Variants in CNRIP1 observed in about 807,000 individuals in gnomAD.
CNRIP1 encodes cannabinoid receptor interacting protein 1, also known as CB1 cannabinoid receptor-interacting protein 1.
A neutral mutation model predicts 15.2 loss-of-function variants in CNRIP1; 10 were observed. The ratio of observed to expected loss-of-function variants is 0.66; its 90% confidence interval spans 0.41 to 1.12. The LOEUF is 1.12. CNRIP1 is among the 50% of genes most tolerant of loss of function. CNRIP1 has a pLI of 0.00. For synonymous variants in CNRIP1, 91 were observed against 83.2 expected (o/e 1.09, Z -0.51); for missense variants, 211 against 214.7 (o/e 0.98, Z 0.11).
chr2:68,300,596 A>T (rs537939421), intron 2 of CNRIP1, among the ~76,000 whole-genome samples: 1 of 152,220 alleles, frequency 6.6e-6, no homozygotes, highest in South Asian at 2.1e-4. Flanking sequence ...CAGCCTGGGC[A>T]TCAGAGCAAG....
chr2:68,316,918 G>C lies in CNRIP1; in HGVS notation c.330+239C>G, dbSNP rs550329191. On this transcript the variant is annotated intron_variant, in intron 2 of 2. Transcript: ENST00000263655. ...GGCAATGTAGGTTCTGTCTCTTCCA[G>C]AACCATCTGCTTCTGCTTATGGTGT... 1.7e-4 allele frequency: 103 copies of C among 621,738 alleles called. No homozygotes were observed. In the African/African-American group the frequency reaches 1.7e-3, roughly 10 times the overall value. 38.5% of individuals were successfully genotyped at this position (621,738 alleles called of 1,614,324 possible). A position where few individuals can be genotyped will look rare whatever the true frequency, so the allele number is the denominator to read the frequency against.
intron 1 of CNRIP1, among the ~76,000 whole-genome samples, chr2:68,318,480 G>A (rs1440736544): frequency 6.6e-6 from 1 of 152,198 alleles, no homozygotes; most frequent in African/African-American, 2.4e-5. Flanking sequence ...GCATTATCCA[G>A]CGGTCGCTGG....
Position 68,305,329 on chromosome 2 carries a change from A to ATAATATATATT in CNRIP1, c.331-11314_331-11304dup, listed in dbSNP as rs1401789904. Among the ~76,000 whole-genome samples, 343 of 143,096 alleles carry ATAATATATATT rather than the reference A, an allele frequency of 2.4e-3. 2 individuals carry two copies. Among genetic ancestry groups the ATAATATATATT allele is most frequent in the African/African-American group, 8.3e-3 (322 of 38,888 alleles). The allele number at this position is 143,096 out of a possible 152,430, so 93.9% of individuals were successfully genotyped here. ...GTGTGTGTGTACATATAAAACATAT[A>ATAATATATATT]TAATATATATTTAAATATATATAGA... On this transcript the variant is annotated intron_variant, in intron 2 of 2. Transcript: ENST00000263655.
chr2:68,309,195 GT>G (rs1445469796), intron 2 of CNRIP1, among the ~76,000 whole-genome samples: 1 of 152,100 alleles, frequency 6.6e-6, no homozygotes, highest in East Asian at 1.9e-4. Context: ...TAAGGGTGTT[GT>G]TTTTGATGGC....
At chr2:68,303,012 T>C (rs1340970604) in intron 2 of CNRIP1, among the ~76,000 whole-genome samples, 26 of 151,928 alleles carry the variant, frequency 1.7e-4, no homozygotes, top group Non-Finnish European at 3.1e-4. Context: ...CTCGCCCGGC[T>C]AATTTTTTGT....
downstream of CNRIP1, among the ~76,000 whole-genome samples, chr2:68,290,218 G>A (rs1671130905): frequency 6.6e-6 from 1 of 151,344 alleles, no homozygotes; most frequent in Non-Finnish European, 1.5e-5. Context: ...AGTAGAGACG[G>A]GGTTTTGCCA....
At chr2:68,318,155 G>A (rs902382736) in intron 1 of CNRIP1, among the ~76,000 whole-genome samples, 1 of 152,016 alleles carries the variant, frequency 6.6e-6, no homozygotes, top group Non-Finnish European at 1.5e-5. Flanking sequence ...AGCTGTGGGG[G>A]ATGCTGACAA....
chr2:68,305,591 T>C lies in CNRIP1; in HGVS notation c.331-11565A>G, dbSNP rs143025554. On this transcript the variant is annotated intron_variant, in intron 2 of 2. Transcript: ENST00000263655. ...CGGGCAGTTCACGAGGTCAGGAGAT[T>C]GAGACCATCCTGGCTAACACGGTGA... Among the ~76,000 whole-genome samples, 403 of 151,010 alleles carry C rather than the reference T, an allele frequency of 2.7e-3. 7 individuals are homozygous for C. The East Asian group carries it at 0.049, about 18-fold the overall frequency.
At chr2:68,291,593 AG>A (rs1671170794), downstream of CNRIP1, among the ~76,000 whole-genome samples, 2 of 151,966 alleles carry the variant, frequency 1.3e-5, no homozygotes, top group Admixed American at 6.6e-5. Flanking sequence ...GAAAAAAAAA[AG>A]TATGGGCCCA....
intron 2 of CNRIP1, among the ~76,000 whole-genome samples, chr2:68,311,301 G>T (rs1338417104): frequency 1.3e-5 from 2 of 151,872 alleles, no homozygotes; most frequent in African/African-American, 2.4e-5. Flanking sequence ...TTATACTTAA[G>T]TTAAAATATT....
intron 2 of CNRIP1, among the ~76,000 whole-genome samples, chr2:68,295,242 G>A (rs1045985557): frequency 1.3e-5 from 2 of 152,132 alleles, no homozygotes; most frequent in African/African-American, 4.8e-5. Context: ...GGGTGATCAG[G>A]TGCTTTCCAG....
At chr2:68,306,124 CAAAAAAAAAA>C (rs61586261) in intron 2 of CNRIP1, among the ~76,000 whole-genome samples, 15 of 25,328 alleles carry the variant, frequency 5.9e-4, no homozygotes, top group Admixed American at 2.2e-3. Context: ...CCCACCTCTA[CAAAAAAAAAA>C]AAAAAAAAAA....
intron 2 of CNRIP1, among the ~76,000 whole-genome samples, chr2:68,285,467 C>T (rs1671006051): frequency 6.6e-6 from 1 of 151,812 alleles, no homozygotes; most frequent in African/African-American, 2.4e-5. Context: ...TATTCGTGAC[C>T]AGCCTGGGCA....
intron 2 of CNRIP1, among the ~76,000 whole-genome samples, chr2:68,299,018 C>T (rs1261055340): frequency 6.6e-6 from 1 of 152,152 alleles, no homozygotes; most frequent in Non-Finnish European, 1.5e-5. Flanking sequence ...GATACTTTCA[C>T]ATACATCATT....
chr2:68,299,759 G>A (rs1298469201), intron 2 of CNRIP1, among the ~76,000 whole-genome samples: 4 of 152,210 alleles, frequency 2.6e-5, no homozygotes, highest in Non-Finnish European at 4.4e-5. Flanking sequence ...CCAAGGAGAG[G>A]AGACTCATCT....
chr2:68,288,818 G>T (rs1671094300), downstream of CNRIP1, among the ~76,000 whole-genome samples: 1 of 152,196 alleles, frequency 6.6e-6, no homozygotes, highest in Non-Finnish European at 1.5e-5. Flanking sequence ...AACACTGCAG[G>T]AGAGTGGGCA....
At position 68,319,274 on chromosome 2, in the gene CNRIP1, C is replaced by G. The variant is rs918013702; in HGVS notation, c.127G>C (p.Gly43Arg). The change falls in exon 1 of 3, where the codon GGC becomes CGC. Residue 43 changes from glycine (G) to arginine (R), a missense_variant. Transcript: ENST00000263655. ...TTCACCTCAACCTTGTAGGAGGAGC[C>G]GGTGAGCAGCTTGATGGTGCGGTTC... ...GQNRTIKLLTGSSYKVEVKIK... is the reference protein window; with the variant it reads ...GQNRTIKLLTRSSYKVEVKIK... 3.9e-6 allele frequency: 6 copies of G among 1,550,786 alleles called. No homozygotes were observed. Among genetic ancestry groups the G allele is most frequent in the Admixed American group, 2.0e-5 (1 of 51,052 alleles).
intron 2 of CNRIP1, among the ~76,000 whole-genome samples, chr2:68,314,474 T>C (rs1290587691): frequency 6.6e-6 from 1 of 152,034 alleles, no homozygotes; most frequent in Non-Finnish European, 1.5e-5. Context: ...TGCTACTAGC[T>C]GTAGTTGACT....
chr2:68,317,427 C>T lies in CNRIP1; in HGVS notation c.180-120G>A, dbSNP rs777940525. The T allele has an allele frequency of 3.9e-5, 41 of 1,058,342 alleles. No individual in the cohort carries two copies. In the East Asian group the frequency reaches 5.4e-4, roughly 14 times the overall value. The allele number at this position is 1,058,342 out of a possible 1,614,324, so 65.6% of individuals were successfully genotyped here. A position where few individuals can be genotyped will look rare whatever the true frequency, so the allele number is the denominator to read the frequency against. On this transcript the variant is annotated intron_variant, in intron 1 of 2. Transcript: ENST00000263655. The stretch of plus-strand genomic sequence containing the variant: ...TTTCACTAAGGGGGGCATTGTGGTG[C>T]GGGAGAAAGTTCTGCAAGTTCAGGG...
Sources: gnomAD v4.1 joint callset for allele counts (sites outside exome capture counted in the v4.1 genomes callset) on GRCh38, gnomAD v4.1.1 for gene constraint, MANE v1.5 for transcripts, NCBI Gene and HGNC (gene_info 2026-07-23, HGNC 2026-07-21) for gene names.